The following FAM107A variants were observed in gnomAD, a reference collection of about 807,000 sequenced individuals.
The protein encoded by FAM107A is family with sequence similarity 107 member A.
A neutral mutation model predicts 13.7 loss-of-function variants in FAM107A; 19 were observed. That is an observed-to-expected ratio of 1.38 (90% CI 0.97 to 2.03). The LOEUF (loss-of-function observed/expected upper bound fraction) is 2.03. Ranked by LOEUF, FAM107A falls within the 30% of genes most tolerant of loss-of-function variation. FAM107A has a pLI of 0.00. For synonymous variants in FAM107A, 82 were observed against 74.5 expected, an observed-to-expected ratio of 1.10 and a Z score of -0.52; for missense variants, 203 against 184.4, an observed-to-expected ratio of 1.10 and a Z score of -0.58.
At position 58,569,850 on chromosome 3, in the gene FAM107A, T is replaced by G. The variant is rs1429819632; in HGVS notation, c.11A>C (p.Glu4Ala). Reference sequence around the variant, plus strand: ...AATGTCTGCCCGCTCCCTCTGGATCTCCGAGTACATGGCGGCTGTAGAGAT... The same window carrying G: ...AATGTCTGCCCGCTCCCTCTGGATCGCCGAGTACATGGCGGCTGTAGAGAT... MYS[E>A]IQRERADIGG... Residue 4 changes from glutamate to alanine, a missense_variant, in exon 2 of 4, where the codon GAG becomes GCG. Glu to Ala is a moderately radical substitution (Grantham distance 107). Transcript: ENST00000360997. This position sits in a 1 kb window ranked among gnomAD's most constrained non-coding sequence, Gnocchi z 5.7. 1.2e-6 allele frequency: 2 copies of G among 1,613,828 alleles called. No homozygotes were observed. The highest frequency in any genetic ancestry group is 1.7e-6 in the Non-Finnish European group (2 of 1,179,954).
At chr3:58,615,489 G>A (rs1400494197) in intron 1 of FAM107A, among the ~76,000 whole-genome samples, 8 of 152,196 alleles carry the variant, frequency 5.3e-5, no homozygotes, top group Non-Finnish European at 1.2e-4. Flanking sequence ...TGCTGATGGG[G>A]AAAGCTAGAT....
chr3:58,605,285 T>A (rs867322710), intron 1 of FAM107A, among the ~76,000 whole-genome samples: 1 of 152,208 alleles, frequency 6.6e-6, no homozygotes, highest in Non-Finnish European at 1.5e-5. Flanking sequence ...CTCTGGTAAG[T>A]CTCAGATAGT....
intron 1 of FAM107A, among the ~76,000 whole-genome samples, chr3:58,614,038 C>CT (rs1222179442): frequency 6.6e-6 from 1 of 152,152 alleles, no homozygotes; most frequent in East Asian, 1.9e-4. Context: ...TGGGAGATCC[C>CT]TGGAAAAACT....
Position 58,564,231 on chromosome 3 carries a change from T to C in FAM107A, c.*2357A>G, listed in dbSNP as rs2063598849. The C allele has an allele frequency of 6.6e-6, 1 of 152,252 alleles. No homozygotes were observed. The highest frequency in any genetic ancestry group is 1.5e-5 in the Non-Finnish European group (1 of 68,082). The allele number at this position is 152,252 out of a possible 1,614,324, so 9.4% of individuals were successfully genotyped here. ...TGACTCTGTGATTCTCTTGGCCTTT[T>C]TGTCATGGTAGCAAAGTGGCTGCTG... On this transcript the variant is annotated 3_prime_UTR_variant, in exon 4 of 4. Coordinates refer to ENST00000360997, the MANE Select transcript of FAM107A (RefSeq NM_001076778.3). This position sits in a 1 kb window ranked among gnomAD's most constrained non-coding sequence, Gnocchi z 5.6.
chr3:58,613,451 G>A lies in FAM107A; in HGVS notation c.-70+13965C>T, dbSNP rs1339050675. 1.3e-5 allele frequency among the ~76,000 whole-genome samples: 2 copies of A among 152,172 alleles called. No homozygotes were observed. Among genetic ancestry groups the A allele is most frequent in the Non-Finnish European group, 2.9e-5 (2 of 67,992 alleles). ...GACTTCATCAACCTCTGGCCCCTGT[G>A]TCCTCTCTCTTACAGTACTCACCCC... is the stretch of plus-strand genomic sequence containing the variant. On this transcript the variant is annotated intron_variant, in intron 1 of 3. Coordinates refer to the FAM107A transcript ENST00000465970. The surrounding 1 kb of genome is among the most constrained non-coding windows in gnomAD (Gnocchi z 4.6).
upstream of FAM107A, chr3:58,589,374 A>C (rs924149360): frequency 9.3e-6 from 7 of 750,798 alleles, no homozygotes; most frequent in African/African-American, 3.5e-5. Flanking sequence ...CACTGAAGGG[A>C]CTGGTCAGAG....
At chr3:58,589,449 A>G (rs1451736579), upstream of FAM107A, among the ~76,000 whole-genome samples, 5 of 151,958 alleles carry the variant, frequency 3.3e-5, no homozygotes, top group East Asian at 1.9e-4. Context: ...GTGTGTGTGT[A>G]TGTGTGTGTG....
Position 58,576,896 on chromosome 3 carries a change from G to A in FAM107A, c.-6+413C>T, listed in dbSNP as rs1378951656. ...TCTGATTTCCCCAAATCACACAGCC[G>A]GTGAAGGAAAGAGCTTGAATCTGAG... On this transcript the variant is annotated intron_variant, in intron 1 of 3. Coordinates refer to ENST00000360997, the MANE Select transcript of FAM107A (RefSeq NM_001076778.3). Among the ~76,000 whole-genome samples the A allele has an allele frequency of 2.6e-5, 4 of 152,184 alleles. No homozygotes were observed. In the East Asian group the frequency reaches 5.8e-4, roughly 22 times the overall value.
chr3:58,614,631 A>G (rs2065884955), intron 1 of FAM107A, among the ~76,000 whole-genome samples: 1 of 151,712 alleles, frequency 6.6e-6, no homozygotes, highest in African/African-American at 2.4e-5. Flanking sequence ...CAGCCTCCCA[A>G]GTATCTGGGA....
chr3:58,587,040 A>AAGT (rs536153470), exon 1 of FAM107A: 48 of 1,375,036 alleles, frequency 3.5e-5, no homozygotes, highest in Middle Eastern at 5.3e-4. Context: ...ACGCGGCCCC[A>AAGT]AGTCCCAAAC....
At chr3:58,612,943 G>GT (rs397965379) in intron 1 of FAM107A, among the ~76,000 whole-genome samples, 1 of 84,216 alleles carries the variant, frequency 1.2e-5, no homozygotes, top group African/African-American at 9.5e-5. Flanking sequence ...CTTTCTAGGA[G>GT]CAACTCTAGT....
In FAM107A at chr3:58,613,321, T is replaced by C. The variant is rs2065871765; in HGVS notation, c.-70+14095A>G. ...GAGATGGGGAGCAGGAGTCAAACTG[T>C]GGGTTGTCTGACTTCACTGCCCAGG... On this transcript the variant is annotated intron_variant, in intron 1 of 3. Coordinates refer to the FAM107A transcript ENST00000465970. This position sits in a 1 kb window ranked among gnomAD's most constrained non-coding sequence, Gnocchi z 4.6. 6.6e-6 allele frequency among the ~76,000 whole-genome samples: 1 copy of C among 152,192 alleles called. No individual in the cohort carries two copies. The highest frequency in any genetic ancestry group is 1.5e-5 in the Non-Finnish European group (1 of 68,032).
At chr3:58,619,710 G>T (rs1211149881) in intron 1 of FAM107A, among the ~76,000 whole-genome samples, 1 of 152,238 alleles carries the variant, frequency 6.6e-6, no homozygotes, top group Non-Finnish European at 1.5e-5. Context: ...TGCACCCCAA[G>T]GGTGAGCCTA....
chr3:58,567,626 T>C (rs1268342591), intron 2 of FAM107A, among the ~76,000 whole-genome samples: 1 of 152,114 alleles, frequency 6.6e-6, no homozygotes, highest in Non-Finnish European at 1.5e-5. Flanking sequence ...AGAGACCAAG[T>C]TTTATGTTAT....
rs533548866 is a variant in FAM107A at position 58,602,289 on chromosome 3, T to A, written c.-69-13020A>T. Among the ~76,000 whole-genome samples, 6 of 152,208 alleles carry A rather than the reference T, an allele frequency of 3.9e-5. No homozygotes were observed. The South Asian group carries it at 1.2e-3, about 32-fold the overall frequency. ...GGGTATTATCTTTCACCTATCAGAT[T>A]GGCAAAAATGAAAATATAACGATAC... On this transcript the variant is annotated intron_variant, in intron 1 of 3. Transcript: ENST00000465970.
At chr3:58,626,019 G>T (rs998000801) in intron 1 of FAM107A, among the ~76,000 whole-genome samples, 2 of 152,172 alleles carry the variant, frequency 1.3e-5, no homozygotes, top group South Asian at 2.1e-4. Flanking sequence ...GCAGGTACCA[G>T]CCCCCCTTTA....
chr3:58,583,491 G>A (rs188941436), intron 1 of FAM107A, among the ~76,000 whole-genome samples: 7,245 of 152,024 alleles, frequency 0.048, 237 homozygotes, highest in Middle Eastern at 0.075. Context: ...GCGTGGTGGC[G>A]GGAGCCTGTA....
At chr3:58,578,302 T>C (rs1365600940), upstream of FAM107A, among the ~76,000 whole-genome samples, 1 of 152,176 alleles carries the variant, frequency 6.6e-6, no homozygotes, top group Non-Finnish European at 1.5e-5. Context: ...GCATGGTAGC[T>C]CATGCCTGTA....
chr3:58,569,655 G>A lies in FAM107A; in HGVS notation c.170+36C>T. 6.3e-7 allele frequency: 1 copy of A among 1,575,650 alleles called. No homozygotes were observed. The highest frequency in any genetic ancestry group is 8.6e-7 in the Non-Finnish European group (1 of 1,157,950). On this transcript the variant is annotated intron_variant, in intron 2 of 3. Coordinates refer to ENST00000360997, the MANE Select transcript of FAM107A (RefSeq NM_001076778.3). This position sits in a 1 kb window ranked among gnomAD's most constrained non-coding sequence, Gnocchi z 5.7. ...TTCCCCATCCCCCACAGGCCCAGGT[G>A]CTTGCGGGGCCCAGGCAGCAGGGCT...
Sources: gnomAD v4.1 joint callset for allele counts (sites outside exome capture counted in the v4.1 genomes callset) on GRCh38, gnomAD v4.1.1 for gene constraint, Gnocchi (gnomAD v3.1) non-coding constraint, MANE v1.5 for transcripts, NCBI Gene and HGNC (gene_info 2026-07-23, HGNC 2026-07-21) for gene names.